MDN1: variants seen among roughly 807,000 people sequenced by gnomAD.
MDN1 encodes midasin.
MDN1 carries 266 observed loss-of-function variants against 669.2 expected under a neutral mutation model. The observed-to-expected ratio is 0.40, with a 90% CI of 0.36 to 0.44. The LOEUF (loss-of-function observed/expected upper bound fraction) is 0.44. Ranked by LOEUF, MDN1 falls within the 20% of genes least tolerant of loss-of-function variation. The probability of loss-of-function intolerance (pLI) is 1.00; values close to 1 mark genes in which losing one functional copy is unlikely to be tolerated. For missense variants in MDN1, 5,940 were observed against 6,754.0 expected (o/e 0.88, Z 4.22); for synonymous variants, 2,385 against 2,457.1 (o/e 0.97, Z 0.87).
chr6:89,665,723 A>C (rs1228734520), intron 84 of MDN1, among the ~76,000 whole-genome samples: 1 of 148,010 alleles, frequency 6.8e-6, no homozygotes, highest in Non-Finnish European at 1.5e-5. Flanking sequence ...AAAAAAAAAA[A>C]AAAAAAGAAG....
At position 89,751,474 on chromosome 6, in the gene MDN1, CAGA is replaced by C; in HGVS notation, c.3181_3183del (p.Ser1061del). ...ACTATATCTCTCAGGTTCAGCTTCA[CAGA>C]AGATGTCAGAATGTACGTCTCATCT... On this transcript the variant is annotated inframe_deletion, in exon 23 of 102. Transcript: ENST00000369393. 3 of 1,614,206 alleles carry C rather than the reference CAGA, an allele frequency of 1.9e-6. No individual in the cohort carries two copies. Among genetic ancestry groups the C allele is most frequent in the Admixed American group, 1.7e-5 (1 of 60,022 alleles).
In MDN1 at chr6:89,706,154, C is replaced by G; in HGVS notation, c.8053G>C (p.Val2685Leu). 1 of 1,613,630 alleles carries G rather than the reference C, an allele frequency of 6.2e-7. No homozygotes were observed. The highest frequency in any genetic ancestry group is 1.1e-5 in the South Asian group (1 of 91,012). ...AGTTCAAAAAAAGCAGCAAGATTGA[C>G]CACAATTTCATGGGGCAGAGTGTGA... is the stretch of plus-strand genomic sequence containing the variant. ...SYHTLPHEIV[V>L]NLAAFFELCD... is the part of the protein sequence containing the mutation. The change falls in exon 53 of 102, where the codon GTC (valine) becomes CTC (leucine). Residue 2685 changes from valine to leucine, a missense_variant. Physicochemically the swap from Val to Leu is conservative, Grantham distance 32. Transcript: ENST00000369393.
chr6:89,700,906 T>A lies in MDN1; in HGVS notation c.8428-50A>T, dbSNP rs1393920645. 2.0e-6 allele frequency: 3 copies of A among 1,507,252 alleles called. No individual in the cohort carries two copies. The South Asian group carries it at 3.5e-5, about 17-fold the overall frequency. 93.4% of individuals were successfully genotyped at this position (1,507,252 alleles called of 1,614,324 possible). ...CATACTATAGAGCACAAATGTGGTT[T>A]TCTTTAGTAGCCTATACAGGTCTCA... is the stretch of plus-strand genomic sequence containing the variant. On this transcript the variant is annotated intron_variant, in intron 55 of 101. Transcript: ENST00000369393.
chr6:89,775,481 A>T (rs1482225035), intron 12 of MDN1, among the ~76,000 whole-genome samples: 3 of 152,192 alleles, frequency 2.0e-5, no homozygotes, highest in Non-Finnish European at 4.4e-5. Context: ...CATTATTCAC[A>T]TGAGAATGTC....
chr6:89,718,755 C>A lies in MDN1; in HGVS notation c.6321+12G>T. 1 of 1,612,298 alleles carries A rather than the reference C, an allele frequency of 6.2e-7. No individual in the cohort carries two copies. The highest frequency in any genetic ancestry group is 8.5e-7 in the Non-Finnish European group (1 of 1,178,480). On this transcript the variant is annotated intron_variant, in intron 42 of 101. Transcript: ENST00000369393. Reference sequence around the variant, plus strand: ...TATGCTTTGCCAGAAAATATGAAGGCAGACTGGTTACCTGCTCAAATCCAC... The same window carrying A: ...TATGCTTTGCCAGAAAATATGAAGGAAGACTGGTTACCTGCTCAAATCCAC...
chr6:89,730,298 G>C (rs1404390546), intron 35 of MDN1, among the ~76,000 whole-genome samples: 1 of 152,156 alleles, frequency 6.6e-6, no homozygotes, highest in African/African-American at 2.4e-5. Flanking sequence ...ACCGGATCAG[G>C]AATGACACAT....
At chr6:89,691,415 GA>G (rs1812371819) in intron 63 of MDN1, among the ~76,000 whole-genome samples, 1 of 152,198 alleles carries the variant, frequency 6.6e-6, no homozygotes. Context: ...CACCATCTAG[GA>G]AGGTAATTTG....
intron 2 of MDN1, among the ~76,000 whole-genome samples, 173 bp from the exon 3 acceptor site, chr6:89,794,974 A>G (rs1185299317): frequency 1.3e-5 from 2 of 152,186 alleles, no homozygotes; most frequent in Non-Finnish European, 2.9e-5. Flanking sequence ...GCAATTCTCT[A>G]CTCTGACCAA....
At position 89,688,177 on chromosome 6, in the gene MDN1, C is replaced by T. The variant is rs1251469151; in HGVS notation, c.11260-4G>A. 6.2e-7 allele frequency: 1 copy of T among 1,612,836 alleles called. No individual in the cohort carries two copies. Among genetic ancestry groups the T allele is most frequent in the Admixed American group, 1.7e-5 (1 of 59,990 alleles). ...TTCTGTCCATTACAACCAGGAGCTG[C>T]AGAAATAAAGATTTGGGTATCTCAG... On this transcript the variant is annotated splice_region_variant and splice_polypyrimidine_tract_variant and intron_variant, in intron 66 of 101. Coordinates refer to ENST00000369393, the MANE Select transcript of MDN1 (RefSeq NM_014611.3).
chr6:89,749,463 A>G (rs906477855), intron 25 of MDN1, 80 bp downstream of exon 25: 2 of 1,594,578 alleles, frequency 1.3e-6, no homozygotes, highest in African/African-American at 1.3e-5. Context: ...AAGGAGAAGT[A>G]AAAACATTTC....
Position 89,692,635 on chromosome 6 carries a change from C to G in MDN1, c.10395G>C (p.Glu3465Asp), listed in dbSNP as rs370066183. The G allele has an allele frequency of 1.9e-6, 3 of 1,614,120 alleles. No homozygotes were observed. The highest frequency in any genetic ancestry group is 2.5e-6 in the Non-Finnish European group (3 of 1,180,044). ...HADTLCSVKS[E>D]EVLRGLGKLI... is the part of the protein sequence containing the mutation. ...GCTTCCCAAGGCCTCGTAGAACCTCCTCAGACTTCACCGAGCACAAAGTGT... is the reference window on the plus strand; with the variant it reads ...GCTTCCCAAGGCCTCGTAGAACCTCGTCAGACTTCACCGAGCACAAAGTGT... The change falls in exon 63 of 102, where the codon GAG becomes GAC. Residue 3465 changes from glutamate (E) to aspartate (D), a missense_variant. This residue lies in a region of MDN1 where 150 missense variants were observed against 234.2 expected (regional missense o/e 0.64). Coordinates refer to ENST00000369393, the MANE Select transcript of MDN1 (RefSeq NM_014611.3).
rs147408968 is a variant in MDN1, at chr6:89,743,758, T to C, written c.4179-44A>G. 4.1e-4 allele frequency: 636 copies of C among 1,538,692 alleles called. 2 individuals carry two copies. The African/African-American group carries it at 1.0e-2, about 24-fold the overall frequency. On this transcript the variant is annotated intron_variant, in intron 29 of 101. Transcript: ENST00000369393. ...TGATTAACAAGGCATGTGTTTCAAATACACATCCATAAACACCCCCCCTCA... is the reference window on the plus strand; with the variant it reads ...TGATTAACAAGGCATGTGTTTCAAACACACATCCATAAACACCCCCCCTCA...
In MDN1 at chr6:89,672,647, A is replaced by G. The variant is rs1263473775; in HGVS notation, c.13530T>C (p.Ile4510=). Residue 4510 remains isoleucine (I), a synonymous_variant, in exon 81 of 102, where the codon ATT becomes ATC. Coordinates refer to ENST00000369393, the MANE Select transcript of MDN1 (RefSeq NM_014611.3). ...FVEDFSEQME[I]AIRAILCAIQ... Reference sequence around the variant, plus strand: ...TGGCACAGAGGATGGCTCGGATGGCAATTTCCATTTGCTCTGAAAAATCTT... The same window carrying G: ...TGGCACAGAGGATGGCTCGGATGGCGATTTCCATTTGCTCTGAAAAATCTT... 2 of 1,614,074 alleles carry G rather than the reference A, an allele frequency of 1.2e-6. No individual in the cohort carries two copies. The highest frequency in any genetic ancestry group is 2.7e-5 in the African/African-American group (2 of 75,030).
At chr6:89,774,420 T>A (rs1404154917) in intron 13 of MDN1, among the ~76,000 whole-genome samples, 1 of 152,252 alleles carries the variant, frequency 6.6e-6, no homozygotes, top group African/African-American at 2.4e-5. Flanking sequence ...AAATCTTTAA[T>A]GACTTTCATC....
In MDN1 at chr6:89,647,975, C is replaced by T. The variant is rs144436019; in HGVS notation, c.16395+57G>A. On this transcript the variant is annotated intron_variant, in intron 99 of 101. Transcript: ENST00000369393. The stretch of plus-strand genomic sequence containing the variant: ...CTCAAAAATAAAAATGTTCTCCCTC[C>T]AACCTACACCAGTTTAAAAATAACT... The T allele has an allele frequency of 6.3e-4, 841 of 1,332,082 alleles. 3 individuals carry two copies. In the African/African-American group the frequency reaches 0.011, roughly 18 times the overall value. 82.5% of individuals were successfully genotyped at this position (1,332,082 alleles called of 1,614,324 possible). A position where few individuals can be genotyped will look rare whatever the true frequency, so the allele number is the denominator to read the frequency against.
At chr6:89,665,706 C>CAAAAAA (rs61352567) in intron 84 of MDN1, among the ~76,000 whole-genome samples, 4 of 126,248 alleles carry the variant, frequency 3.2e-5, no homozygotes, top group Admixed American at 7.9e-5. Context: ...GACTCCGTTT[C>CAAAAAA]AAAAAAAAAA....
rs762731336 is a variant in MDN1, at chr6:89,695,938, T to C, written c.9438A>G (p.Leu3146=). The part of the protein sequence containing the change: ...GQVLFRHLAG[L]AELLPESRRQ... ...GCCGGGACTCTGGGAGCAGCTCTGCTAGGCCTGCCAGGTGCCGGAACAGCA... is the reference window on the plus strand; with the variant it reads ...GCCGGGACTCTGGGAGCAGCTCTGCCAGGCCTGCCAGGTGCCGGAACAGCA... Residue 3146 remains leucine (L), a synonymous_variant, in exon 61 of 102, where the codon CTA becomes CTG. Transcript: ENST00000369393. The surrounding 1 kb of genome is among the most constrained non-coding windows in gnomAD (Gnocchi z 4.1). 6.2e-7 allele frequency: 1 copy of C among 1,612,134 alleles called. No individual in the cohort carries two copies. Among genetic ancestry groups the C allele is most frequent in the African/African-American group, 1.3e-5 (1 of 74,904 alleles).
rs1442805032 is a variant in MDN1, at chr6:89,776,619, A to C, written c.1802T>G (p.Leu601Trp). ...LKMAEVIGSK[L>W]NISRKKAEFF... is the part of the protein sequence containing the mutation. ...ACATACCTTTTTTCTAGAAATGTTC[A>C]ATTTGCTTCCAATAACTTCTGCCAT... Residue 601 changes from leucine (L) to tryptophan (W), a missense_variant, in exon 12 of 102, where the codon TTG (leucine) becomes TGG (tryptophan). Coordinates refer to ENST00000369393, the MANE Select transcript of MDN1 (RefSeq NM_014611.3). 6.2e-7 allele frequency: 1 copy of C among 1,610,406 alleles called. No homozygotes were observed. Among genetic ancestry groups the C allele is most frequent in the South Asian group, 1.1e-5 (1 of 90,732 alleles).
intron 59 of MDN1, among the ~76,000 whole-genome samples, chr6:89,698,202 T>A (rs948545152): frequency 6.6e-6 from 1 of 152,184 alleles, no homozygotes; most frequent in Non-Finnish European, 1.5e-5. Context: ...AGTCTGGCAA[T>A]AACCATAATT....
Sources: allele counts gnomAD v4.1 joint callset (sites outside exome capture counted in the v4.1 genomes callset), GRCh38; gene constraint gnomAD v4.1.1; regional missense constraint gnomAD v4.1.1; non-coding constraint Gnocchi (gnomAD v3.1); transcripts MANE v1.5; gene names NCBI Gene and HGNC (gene_info 2026-07-23, HGNC 2026-07-21).